Variants in MATCAP2 observed in about 807,000 individuals in gnomAD.
The protein encoded by MATCAP2 is putative tyrosine carboxypeptidase MATCAP2.
the MATCAP2 span, among the ~76,000 whole-genome samples, chr7:36,328,249 G>GGGC: frequency 8.6e-6 from 1 of 116,504 alleles, no homozygotes; most frequent in African/African-American, 3.1e-5. Flanking sequence ...TAGGGGGGGG[G>GGGC]GGTCTTGCTA....
the MATCAP2 span, among the ~76,000 whole-genome samples, chr7:36,389,353 G>A: frequency 6.6e-6 from 1 of 151,784 alleles, no homozygotes; most frequent in Non-Finnish European, 1.5e-5. Context: ...CCAACACAAG[G>A]GCTCTTAATC....
At chr7:36,386,181 T>C in the MATCAP2 span, among the ~76,000 whole-genome samples, 1 of 151,416 alleles carries the variant, frequency 6.6e-6, no homozygotes, top group Non-Finnish European at 1.5e-5. Flanking sequence ...AAAGTTGATA[T>C]ATGATAAAAG....
the MATCAP2 span, among the ~76,000 whole-genome samples, chr7:36,383,056 G>A: frequency 1.3e-5 from 2 of 152,172 alleles, no homozygotes; most frequent in African/African-American, 4.8e-5. Context: ...AATATGTTCA[G>A]AAAGCACAAT....
chr7:36,364,049 T>C, the MATCAP2 span, among the ~76,000 whole-genome samples: 2 of 151,914 alleles, frequency 1.3e-5, no homozygotes, highest in Admixed American at 6.6e-5. Flanking sequence ...AAACCCTTTT[T>C]TTTTTTTTAA....
chr7:36,331,809 C>T, the MATCAP2 span, among the ~76,000 whole-genome samples: 1 of 152,076 alleles, frequency 6.6e-6, no homozygotes, highest in Admixed American at 6.5e-5. Flanking sequence ...AAATTTTGCT[C>T]TATTAAATTA....
At chr7:36,342,522 G>A in the MATCAP2 span, among the ~76,000 whole-genome samples, 1 of 152,294 alleles carries the variant, frequency 6.6e-6, no homozygotes, top group Non-Finnish European at 1.5e-5. Flanking sequence ...TCAACTCTCA[G>A]GAAGTCAAGA....
chr7:36,376,744 C>T, the MATCAP2 span, among the ~76,000 whole-genome samples: 1,026 of 152,128 alleles, frequency 6.7e-3, 7 homozygotes, highest in Non-Finnish European at 8.9e-3. Context: ...CTGTAGGTCT[C>T]GAAGGACTTG....
the MATCAP2 span, chr7:36,333,848 A>T: frequency 6.3e-7 from 1 of 1,589,026 alleles, no homozygotes; most frequent in South Asian, 1.1e-5. Context: ...GAGTTAAGGG[A>T]CACCCACCTG....
chr7:36,330,941 T>G, the MATCAP2 span: 1 of 1,127,796 alleles, frequency 8.9e-7, no homozygotes, highest in Non-Finnish European at 1.4e-6. Context: ...GGAATGCTGA[T>G]CTGGGGTGTT....
At chr7:36,358,591 C>T in the MATCAP2 span, among the ~76,000 whole-genome samples, 3 of 152,298 alleles carry the variant, frequency 2.0e-5, no homozygotes, top group African/African-American at 7.2e-5. Flanking sequence ...GTTTTTAGAA[C>T]TCACAAGTGC....
the MATCAP2 span, among the ~76,000 whole-genome samples, chr7:36,350,217 A>G: frequency 1.3e-5 from 2 of 152,214 alleles, no homozygotes; most frequent in Non-Finnish European, 2.9e-5. Flanking sequence ...TTTATTTCCA[A>G]TTAAATTTTT....
At chr7:36,367,241 T>C in the MATCAP2 span, 6 of 1,099,842 alleles carry the variant, frequency 5.5e-6, no homozygotes, top group African/African-American at 4.9e-5. Flanking sequence ...GCTAGGAAAC[T>C]GCCCCCGGGG....
the MATCAP2 span, among the ~76,000 whole-genome samples, chr7:36,373,064 C>T: frequency 3.3e-5 from 5 of 150,074 alleles, no homozygotes; most frequent in African/African-American, 1.2e-4. Flanking sequence ...AAGATGGTGC[C>T]ACTGCACTCC....
the MATCAP2 span, among the ~76,000 whole-genome samples, chr7:36,346,909 C>T: frequency 5.9e-5 from 9 of 152,026 alleles, no homozygotes; most frequent in Admixed American, 2.6e-4. Flanking sequence ...TATAGGTGCC[C>T]GCCACCACAC....
the MATCAP2 span, chr7:36,390,173 G>T: frequency 6.6e-7 from 1 of 1,523,842 alleles, no homozygotes; most frequent in South Asian, 1.1e-5. Flanking sequence ...CGCAGTGTGT[G>T]CGGGCCGGGG....
chr7:36,379,447 A>C, the MATCAP2 span, among the ~76,000 whole-genome samples: 4 of 152,116 alleles, frequency 2.6e-5, no homozygotes, highest in African/African-American at 9.7e-5. Flanking sequence ...TGTAACTATA[A>C]CCATGCATGT....
At chr7:36,325,593 G>A in the MATCAP2 span, 3 of 152,172 alleles carry the variant, frequency 2.0e-5, no homozygotes, top group Non-Finnish European at 4.4e-5. Flanking sequence ...CTTGAGTGGG[G>A]TGTTTACAGC....
At chr7:36,363,095 G>A in the MATCAP2 span, among the ~76,000 whole-genome samples, 1 of 152,168 alleles carries the variant, frequency 6.6e-6, no homozygotes. Context: ...TTGCCTGACG[G>A]TTGAGGAAAA....
the MATCAP2 span, among the ~76,000 whole-genome samples, chr7:36,342,667 C>T: frequency 6.6e-6 from 1 of 152,112 alleles, no homozygotes; most frequent in Non-Finnish European, 1.5e-5. Flanking sequence ...CTCTGTTGCC[C>T]AGGCTGGAGT....
Sources: allele counts gnomAD v4.1 joint callset (sites outside exome capture counted in the v4.1 genomes callset), GRCh38; gene constraint gnomAD v4.1.1; transcripts MANE v1.5; gene names NCBI Gene and HGNC (gene_info 2026-07-23, HGNC 2026-07-21).